The following FAM117B variants were observed in gnomAD, a reference collection of about 807,000 sequenced individuals.
The protein encoded by FAM117B is family with sequence similarity 117 member B.
Under a neutral mutation model 52.8 loss-of-function variants are expected in FAM117B, and 22 were observed. The observed-to-expected ratio is 0.42, with a 90% CI of 0.30 to 0.59. The LOEUF (loss-of-function observed/expected upper bound fraction) is 0.59. Ranked by LOEUF, FAM117B falls within the 20% of genes least tolerant of loss-of-function variation. The pLI is 0.22. For synonymous variants in FAM117B, 309 were observed against 324.1 expected (o/e 0.95, Z 0.50); for missense variants, 678 against 802.6 (o/e 0.84, Z 1.88).
At chr2:202,683,130 C>G (rs531229514) in intron 1 of FAM117B, among the ~76,000 whole-genome samples, 1 of 152,242 alleles carries the variant, frequency 6.6e-6, no homozygotes, top group Non-Finnish European at 1.5e-5. Context: ...GAGTTCGAGA[C>G]CAGCCTGGCT....
At chr2:202,696,152 C>G (rs527429521) in intron 2 of FAM117B, 120 bp downstream of exon 2, 1 of 1,142,020 alleles carries the variant, frequency 8.8e-7, no homozygotes, top group Non-Finnish European at 1.2e-6. Context: ...ACTTGAGAAA[C>G]TTACCAAAAA....
At chr2:202,694,155 G>GCATTAT (rs1176175417) in intron 1 of FAM117B, among the ~76,000 whole-genome samples, 3 of 145,792 alleles carry the variant, frequency 2.1e-5, no homozygotes, top group Non-Finnish European at 4.5e-5. Flanking sequence ...AGCTTGGCCT[G>GCATTAT]CATTATTGAA....
chr2:202,735,404 T>C (rs1258739407), intron 4 of FAM117B, among the ~76,000 whole-genome samples: 1 of 152,218 alleles, frequency 6.6e-6, no homozygotes, highest in Non-Finnish European at 1.5e-5. Flanking sequence ...GCTGTTAGGA[T>C]AGTGGTGTAG....
At chr2:202,664,760 A>G (rs750104432) in intron 1 of FAM117B, among the ~76,000 whole-genome samples, 11 of 152,078 alleles carry the variant, frequency 7.2e-5, no homozygotes, top group Non-Finnish European at 1.6e-4. Flanking sequence ...GCCTTACCGT[A>G]GTAGTTTTGG....
At chr2:202,749,018 C>T (rs1453968406) in intron 4 of FAM117B, among the ~76,000 whole-genome samples, 2 of 151,692 alleles carry the variant, frequency 1.3e-5, no homozygotes, top group African/African-American at 4.8e-5. Flanking sequence ...GGAATGAGAG[C>T]ACTGGTAGTT....
chr2:202,644,828 A>T (rs78145057), intron 1 of FAM117B, among the ~76,000 whole-genome samples: 1 of 152,122 alleles, frequency 6.6e-6, no homozygotes, highest in Non-Finnish European at 1.5e-5. Context: ...TTTGTTGGTG[A>T]TGGTGTCTGT....
intron 4 of FAM117B, among the ~76,000 whole-genome samples, chr2:202,750,785 C>CT (rs1691709569): frequency 1.3e-5 from 2 of 152,136 alleles, no homozygotes; most frequent in Non-Finnish European, 2.9e-5. Context: ...GTGTAGCTTG[C>CT]TTCTGATATT....
At chr2:202,671,540 C>T (rs1690298950) in intron 1 of FAM117B, among the ~76,000 whole-genome samples, 1 of 152,204 alleles carries the variant, frequency 6.6e-6, no homozygotes, top group Admixed American at 6.5e-5. Context: ...CAGAGAGGCT[C>T]AGATGCTGAG....
intron 1 of FAM117B, among the ~76,000 whole-genome samples, chr2:202,655,722 G>C (rs57551982): frequency 0.085 from 10,044 of 118,402 alleles, 424 homozygotes; most frequent in South Asian, 0.12. Flanking sequence ...GAGAGAGAGA[G>C]AGAGAGAGAG....
At chr2:202,684,777 C>A (rs968036236) in intron 1 of FAM117B, among the ~76,000 whole-genome samples, 1 of 151,900 alleles carries the variant, frequency 6.6e-6, no homozygotes, top group African/African-American at 2.4e-5. Context: ...TAAACAAGAT[C>A]ATGTATTGAT....
chr2:202,635,737 A>T lies in FAM117B; in HGVS notation c.550A>T (p.Ser184Cys). 6.9e-7 allele frequency: 1 copy of T among 1,458,952 alleles called. No homozygotes were observed. Among genetic ancestry groups the T allele is most frequent in the Non-Finnish European group, 9.0e-7 (1 of 1,108,826 alleles). 90.4% of individuals were successfully genotyped at this position (1,458,952 alleles called of 1,614,324 possible). Residue 184 changes from serine to cysteine, a missense_variant, in exon 1 of 8, where the codon AGC (serine) becomes TGC (cysteine). Transcript: ENST00000392238. ...VRHRRRSPEQ[S>C]RSSPEKRSPS... is the part of the protein sequence containing the mutation. ...GCATCGGAGGAGGTCTCCGGAGCAG[A>T]GCCGAAGCTCGCCGGAGAAGAGGAG...
At chr2:202,716,464 C>G (rs1691058645) in intron 2 of FAM117B, among the ~76,000 whole-genome samples, 1 of 151,802 alleles carries the variant, frequency 6.6e-6, no homozygotes, top group African/African-American at 2.4e-5. Context: ...TCTTTCCTTC[C>G]TTCCTGTCTT....
intron 1 of FAM117B, among the ~76,000 whole-genome samples, chr2:202,639,303 A>G (rs1233917249): frequency 2.6e-5 from 4 of 152,184 alleles, no homozygotes; most frequent in African/African-American, 7.2e-5. Flanking sequence ...CAGTTGCTTT[A>G]TTCTTCTAGG....
chr2:202,637,970 G>C (rs546482896), intron 1 of FAM117B, among the ~76,000 whole-genome samples: 10 of 151,212 alleles, frequency 6.6e-5, no homozygotes, highest in East Asian at 3.9e-4. Context: ...TCTGCCTCCC[G>C]GGTTCAAGCG....
chr2:202,673,700 G>A (rs1039556737), intron 1 of FAM117B, among the ~76,000 whole-genome samples: 3 of 151,702 alleles, frequency 2.0e-5, no homozygotes, highest in Non-Finnish European at 4.4e-5. Context: ...CGCCTGTCTC[G>A]GTCTCCCAAA....
At chr2:202,724,172 C>T (rs983502682) in intron 2 of FAM117B, among the ~76,000 whole-genome samples, 1 of 150,934 alleles carries the variant, frequency 6.6e-6, no homozygotes, top group East Asian at 1.9e-4. Context: ...ATTCTCCTGC[C>T]TCAGCCTCCT....
At chr2:202,656,958 A>C (rs566875685) in intron 1 of FAM117B, among the ~76,000 whole-genome samples, 50 of 152,162 alleles carry the variant, frequency 3.3e-4, no homozygotes, top group African/African-American at 1.1e-3. Flanking sequence ...TCTTGTTCTT[A>C]AGTCTACTCT....
At chr2:202,747,228 T>G (rs1691648168) in intron 4 of FAM117B, among the ~76,000 whole-genome samples, 2 of 152,062 alleles carry the variant, frequency 1.3e-5, no homozygotes, top group Admixed American at 6.5e-5. Context: ...AATTCAGCAC[T>G]CATCCATGGT....
chr2:202,747,518 C>T (rs1288935535), intron 4 of FAM117B, among the ~76,000 whole-genome samples: 1 of 151,930 alleles, frequency 6.6e-6, no homozygotes, highest in Non-Finnish European at 1.5e-5. Flanking sequence ...TATGGAAAAA[C>T]CTACCCATTC....
Sources: gnomAD v4.1 joint callset for allele counts (sites outside exome capture counted in the v4.1 genomes callset) on GRCh38, gnomAD v4.1.1 for gene constraint, MANE v1.5 for transcripts, NCBI Gene and HGNC (gene_info 2026-07-23, HGNC 2026-07-21) for gene names.